Variants in DPP8 observed in about 807,000 individuals in gnomAD.
DPP8 encodes the protein dipeptidyl peptidase 8, also known as DPP VIII.
In DPP8, 31 loss-of-function variants were observed where a neutral mutation model predicts 107.5. The ratio of observed to expected loss-of-function variants is 0.29; its 90% confidence interval spans 0.22 to 0.39. DPP8 has a LOEUF of 0.39. DPP8 is among the 10% of genes least tolerant of loss of function. The pLI is 1.00. For synonymous variants in DPP8, 381 were observed against 356.6 expected, an observed-to-expected ratio of 1.07 and a Z score of -0.77; for missense variants, 842 against 1,076.1, an observed-to-expected ratio of 0.78 and a Z score of 3.04.
chr15:65,487,585 G>C (rs184807809), intron 7 of DPP8, 105 bp downstream of exon 7: 3 of 1,076,082 alleles, frequency 2.8e-6, no homozygotes, highest in African/African-American at 1.7e-5. Context: ...CGTAAATAAG[G>C]CTGGAAATGA....
At chr15:65,510,429 C>G (rs993314923) in intron 2 of DPP8, among the ~76,000 whole-genome samples, 1 of 152,036 alleles carries the variant, frequency 6.6e-6, no homozygotes, top group East Asian at 1.9e-4. Flanking sequence ...AAGAAACCCT[C>G]TTCAGGGGTT....
At chr15:65,512,150 A>G in intron 2 of DPP8, 145 bp downstream of exon 2, 2 of 823,294 alleles carry the variant, frequency 2.4e-6, no homozygotes, top group Non-Finnish European at 4.0e-6. Context: ...ACAAAATCGA[A>G]TTCTTCAAAT....
Position 65,480,209 on chromosome 15 carries a change from A to T in DPP8, c.1296+13T>A. 6.3e-7 allele frequency: 1 copy of T among 1,595,596 alleles called. No individual in the cohort carries two copies. The highest frequency in any genetic ancestry group is 8.5e-7 in the Non-Finnish European group (1 of 1,169,698). On this transcript the variant is annotated intron_variant, in intron 10 of 19. Transcript: ENST00000300141. Reference sequence around the variant, plus strand: ...GAGAAAATATTTAAACAAATACAGGAAAAAATGCATACATTTATCCAGATG... The same window carrying T: ...GAGAAAATATTTAAACAAATACAGGTAAAAATGCATACATTTATCCAGATG...
chr15:65,487,864 A>C, intron 6 of DPP8, 46 bp from the exon 7 acceptor site: 2 of 1,350,126 alleles, frequency 1.5e-6, no homozygotes, highest in Non-Finnish European at 2.1e-6. Flanking sequence ...ATTATTCCAG[A>C]GAGTAGTCAT....
At position 65,446,696 on chromosome 15, in the gene DPP8, G is replaced by A. The variant is rs1299441210; in HGVS notation, c.*188C>T. 4 of 252,264 alleles carry A rather than the reference G, an allele frequency of 1.6e-5. No homozygotes were observed. The highest frequency in any genetic ancestry group is 2.2e-5 in the Non-Finnish European group (3 of 138,056). 15.6% of individuals were successfully genotyped at this position (252,264 alleles called of 1,614,324 possible). A position where few individuals can be genotyped will look rare whatever the true frequency, so the allele number is the denominator to read the frequency against. Reference sequence around the variant, plus strand: ...ATATGTATCATTTGATTTTGAGCATGTGGGGTTAAGGTATTAGATTACTAC... The same window carrying A: ...ATATGTATCATTTGATTTTGAGCATATGGGGTTAAGGTATTAGATTACTAC... On this transcript the variant is annotated 3_prime_UTR_variant, in exon 20 of 20. Coordinates refer to ENST00000300141, the MANE Select transcript of DPP8 (RefSeq NM_130434.5).
At chr15:65,512,692 G>GA (rs1485100378) in intron 1 of DPP8, 128 bp from the exon 2 acceptor site, 25 of 853,262 alleles carry the variant, frequency 2.9e-5, no homozygotes, top group Non-Finnish European at 4.6e-5. Context: ...TAGCACAGCT[G>GA]CAATGAAACT....
chr15:65,510,221 C>T lies in DPP8; in HGVS notation c.259+2074G>A, dbSNP rs576460876. Among the ~76,000 whole-genome samples, 17 of 151,734 alleles carry T rather than the reference C, an allele frequency of 1.1e-4. No individual in the cohort carries two copies. The East Asian group carries it at 3.3e-3, about 30-fold the overall frequency. ...GGCCCAGCCACTTGGGGGATTGAGGCGGGAGGATCACTTCAGCCTGGGAGG... is the reference window on the plus strand; with the variant it reads ...GGCCCAGCCACTTGGGGGATTGAGGTGGGAGGATCACTTCAGCCTGGGAGG... On this transcript the variant is annotated intron_variant, in intron 2 of 19. Coordinates refer to ENST00000300141, the MANE Select transcript of DPP8 (RefSeq NM_130434.5).
chr15:65,452,238 G>A, intron 17 of DPP8, 136 bp from the exon 18 acceptor site: 1 of 950,442 alleles, frequency 1.1e-6, no homozygotes, highest in Non-Finnish European at 1.5e-6. Context: ...ACATGTCTTA[G>A]GCAACTCAGA....
At chr15:65,511,644 A>AT (rs2070784169) in intron 2 of DPP8, among the ~76,000 whole-genome samples, 1 of 150,158 alleles carries the variant, frequency 6.7e-6, no homozygotes, top group Non-Finnish European at 1.5e-5. Context: ...TGTCTCAAAA[A>AT]AAAAAAAAAA....
intron 5 of DPP8, among the ~76,000 whole-genome samples, chr15:65,494,239 G>A (rs1472497761): frequency 6.9e-6 from 1 of 144,442 alleles, no homozygotes; most frequent in Non-Finnish European, 1.5e-5. Flanking sequence ...CTCCAAGTCT[G>A]GAGTGCAGTG....
intron 15 of DPP8, among the ~76,000 whole-genome samples, chr15:65,460,644 A>G (rs1567155111): frequency 6.6e-6 from 1 of 152,236 alleles, no homozygotes; most frequent in Non-Finnish European, 1.5e-5. Context: ...TCAGTGTTAT[A>G]CTATATGTCA....
intron 12 of DPP8, among the ~76,000 whole-genome samples, chr15:65,470,585 G>A (rs552379361): frequency 8.9e-4 from 115 of 129,462 alleles, no homozygotes; most frequent in Non-Finnish European, 1.4e-3. Flanking sequence ...TAGCCTAGGG[G>A]ACAAGAATGA....
intron 3 of DPP8, among the ~76,000 whole-genome samples, chr15:65,506,717 A>G (rs1201034466): frequency 1.3e-5 from 2 of 149,060 alleles, no homozygotes; most frequent in Non-Finnish European, 3.0e-5. Flanking sequence ...ACATATATAA[A>G]CATATATATG....
At position 65,454,310 on chromosome 15, in the gene DPP8, C is replaced by T. The variant is rs1448025688; in HGVS notation, c.2224G>A (p.Gly742Arg). The T allele has an allele frequency of 6.3e-7, 1 of 1,588,318 alleles. No homozygotes were observed. Among genetic ancestry groups the T allele is most frequent in the East Asian group, 2.3e-5 (1 of 42,948 alleles). ...ATTAATGCCATCAGGGAGAGGTATC[C>T]TCCATAGGACCAGCCGTGGATGCCC... Reference protein sequence around the residue: ...RVGIHGWSYGGYLSLMALMQR... With the variant: ...RVGIHGWSYGRYLSLMALMQR... The change falls in exon 17 of 20, where the codon GGA (glycine) becomes AGA (arginine). Residue 742 changes from glycine (G) to arginine (R), a missense_variant. Physicochemically the swap from Gly to Arg is moderately radical, Grantham distance 125. Around this residue, in one of 2 missense-constraint regions of DPP8, gnomAD observed 179 missense variants for 318.0 expected, o/e 0.56. Coordinates refer to ENST00000300141, the MANE Select transcript of DPP8 (RefSeq NM_130434.5).
chr15:65,502,894 G>A (rs867001627), intron 3 of DPP8: 3 of 152,052 alleles, frequency 2.0e-5, no homozygotes, highest in Admixed American at 6.6e-5. Flanking sequence ...AGAGCAAGAC[G>A]TGTATATGGG....
intron 18 of DPP8, 47 bp from the exon 19 acceptor site, chr15:65,451,157 T>C (rs1420970936): frequency 9.0e-7 from 1 of 1,116,928 alleles, no homozygotes; most frequent in Admixed American, 1.8e-5. Flanking sequence ...AGTAGAGTAT[T>C]TGGGAAAACC....
intron 5 of DPP8, among the ~76,000 whole-genome samples, chr15:65,492,645 G>A (rs1350004322): frequency 1.3e-5 from 2 of 152,060 alleles, no homozygotes; most frequent in African/African-American, 4.8e-5. Flanking sequence ...ACCAAGGGTA[G>A]AGCGCAGGGG....
intron 2 of DPP8, among the ~76,000 whole-genome samples, chr15:65,507,913 A>C (rs1479181547): frequency 1.3e-5 from 2 of 152,130 alleles, no homozygotes; most frequent in Non-Finnish European, 2.9e-5. Flanking sequence ...AAACACATAG[A>C]TCTAACTGAA....
At chr15:65,512,852 C>T (rs1387073782) in intron 1 of DPP8, 2 of 350,976 alleles carry the variant, frequency 5.7e-6, no homozygotes, top group East Asian at 1.0e-4. Flanking sequence ...TGCCAAAACT[C>T]CCTTTTCTTT....
Sources: gnomAD v4.1 joint callset for allele counts (sites outside exome capture counted in the v4.1 genomes callset) on GRCh38, gnomAD v4.1.1 for gene constraint, gnomAD v4.1.1 regional missense constraint, MANE v1.5 for transcripts, NCBI Gene and HGNC (gene_info 2026-07-23, HGNC 2026-07-21) for gene names.